HDAC9: variants seen among roughly 807,000 people sequenced by gnomAD.
The protein encoded by HDAC9 is histone deacetylase 9, also known as MEF-2 interacting transcription repressor (MITR) protein.
A neutral mutation model predicts 139.4 loss-of-function variants in HDAC9; 41 were observed. The ratio of observed to expected loss-of-function variants is 0.29; its 90% CI spans 0.23 to 0.38. The LOEUF (loss-of-function observed/expected upper bound fraction) is 0.38, where lower values mean the gene tolerates loss of function less well. Among genes scored for constraint, HDAC9 ranks in the 10% least tolerant of loss-of-function variants. The pLI is 1.00. For synonymous variants in HDAC9, 517 were observed against 476.2 expected (o/e 1.09, Z -1.12); for missense variants, 1,147 against 1,297.0 (o/e 0.88, Z 1.78).
In HDAC9 at chr7:18,564,971, A is replaced by G. The variant is rs777464222; in HGVS notation, c.23-20310A>G. ...TCAAATAAATGTATTTTATTTATTT[A>G]TTTATTTATTTATTTATTTATTTAT... On this transcript the variant is annotated intron_variant, in intron 2 of 25. Coordinates refer to ENST00000686413, the MANE Select transcript of HDAC9 (RefSeq NM_178425.4). Among the ~76,000 whole-genome samples, 926 of 127,082 alleles carry G rather than the reference A, an allele frequency of 7.3e-3. 6 individuals are homozygous for G. The highest frequency in any genetic ancestry group is 0.012 in the Non-Finnish European group (725 of 58,328). 83.4% of individuals were successfully genotyped at this position (127,082 alleles called of 152,430 possible).
intron 2 of HDAC9, among the ~76,000 whole-genome samples, chr7:18,522,402 C>T (rs1463943858): frequency 1.3e-5 from 2 of 151,992 alleles, no homozygotes; most frequent in African/African-American, 4.8e-5. Context: ...CAGGGCCTCC[C>T]AACAATATGC....
At chr7:18,173,787 C>T (rs1397780635) in intron 2 of HDAC9, among the ~76,000 whole-genome samples, 1 of 152,174 alleles carries the variant, frequency 6.6e-6, no homozygotes. Flanking sequence ...TCTCTTCTGG[C>T]TTGTAGGGTT....
intron 14 of HDAC9, among the ~76,000 whole-genome samples, chr7:18,750,367 G>A (rs1016276841): frequency 3.9e-5 from 6 of 151,912 alleles, no homozygotes; most frequent in African/African-American, 1.2e-4. Flanking sequence ...CTTATGGATC[G>A]CTCAGTAGTT....
chr7:18,718,222 GTGTTTTTTTGTT>G (rs1048915439), intron 12 of HDAC9, among the ~76,000 whole-genome samples: 9 of 151,964 alleles, frequency 5.9e-5, no homozygotes, highest in Admixed American at 1.3e-4. Flanking sequence ...TGTATGGTAT[GTGTTTTTTTGTT>G]TGTTTTTTTG....
intron 1 of HDAC9, among the ~76,000 whole-genome samples, chr7:18,430,250 G>A (rs1024642552): frequency 2.0e-5 from 3 of 152,126 alleles, no homozygotes; most frequent in Admixed American, 6.6e-5. Flanking sequence ...TGGCGATGGT[G>A]TCTTGCTCTA....
chr7:18,936,623 T>C (rs1781654187), intron 23 of HDAC9, among the ~76,000 whole-genome samples: 1 of 152,246 alleles, frequency 6.6e-6, no homozygotes, highest in Non-Finnish European at 1.5e-5. Flanking sequence ...TCAGCAAATA[T>C]TTCAAAGTTT....
intron 1 of HDAC9, among the ~76,000 whole-genome samples, chr7:18,150,423 C>T (rs1021664255): frequency 2.6e-5 from 4 of 152,102 alleles, no homozygotes; most frequent in East Asian, 1.9e-4. Flanking sequence ...ATTCTAGAAG[C>T]GCTTGTATTG....
chr7:18,779,953 C>G (rs1285141975), intron 16 of HDAC9, among the ~76,000 whole-genome samples: 1 of 152,010 alleles, frequency 6.6e-6, no homozygotes, highest in Non-Finnish European at 1.5e-5. Flanking sequence ...GATTAGGCAT[C>G]TAGGCAGAGA....
rs577019114 is a variant in HDAC9, at chr7:18,909,937, CTT to C, written c.2804-25870_2804-25869del. 5.4e-3 allele frequency among the ~76,000 whole-genome samples: 821 copies of C among 151,790 alleles called. 9 individuals are homozygous for C. Among genetic ancestry groups the C allele is most frequent in the African/African-American group, 0.019 (782 of 41,452 alleles). The stretch of plus-strand genomic sequence containing the variant: ...TTTGTGGGGTTTTTTGCTCAGGACT[CTT>C]TGGCTATTTGGGGTCTTTTGTGGTT... On this transcript the variant is annotated intron_variant, in intron 22 of 25. Coordinates refer to ENST00000686413, the MANE Select transcript of HDAC9 (RefSeq NM_178425.4).
intron 1 of HDAC9, among the ~76,000 whole-genome samples, chr7:18,478,589 A>G (rs1440968724): frequency 1.3e-5 from 2 of 152,242 alleles, no homozygotes; most frequent in African/African-American, 2.4e-5. Context: ...ATTAAATAGA[A>G]AAGAAAAGAG....
chr7:18,896,145 G>C (rs116683619), intron 22 of HDAC9, among the ~76,000 whole-genome samples: 1 of 151,892 alleles, frequency 6.6e-6, no homozygotes, highest in Non-Finnish European at 1.5e-5. Context: ...ATCTGTTGAC[G>C]TTTAAATGTA....
At chr7:18,517,989 C>T (rs1803793055) in intron 2 of HDAC9, 1 of 152,156 alleles carries the variant, frequency 6.6e-6, no homozygotes, top group Non-Finnish European at 1.5e-5. Context: ...CATGCTCACA[C>T]TTACAGTTAT....
At chr7:18,744,716 A>C (rs546122035) in intron 13 of HDAC9, among the ~76,000 whole-genome samples, 280 of 152,282 alleles carry the variant, frequency 1.8e-3, no homozygotes, top group African/African-American at 6.5e-3. Flanking sequence ...TGACAACTAC[A>C]TGCAATAAAG....
chr7:18,631,043 G>A (rs1782162933), intron 7 of HDAC9, among the ~76,000 whole-genome samples: 1 of 151,954 alleles, frequency 6.6e-6, no homozygotes, highest in Non-Finnish European at 1.5e-5. Context: ...GTGCTTTTCT[G>A]TGTTCCTGTA....
intron 24 of HDAC9, among the ~76,000 whole-genome samples, chr7:18,956,936 C>T (rs1372432025): frequency 6.6e-6 from 1 of 152,140 alleles, no homozygotes; most frequent in East Asian, 1.9e-4. Flanking sequence ...AAAATTCTTA[C>T]TGCGTTTTAA....
chr7:18,790,233 A>G (rs993732953), intron 16 of HDAC9, among the ~76,000 whole-genome samples: 1 of 152,184 alleles, frequency 6.6e-6, no homozygotes, highest in Non-Finnish European at 1.5e-5. Flanking sequence ...TAATCTTACT[A>G]TGAACTGAAG....
intron 1 of HDAC9, among the ~76,000 whole-genome samples, chr7:18,305,901 G>C (rs987955701): frequency 6.6e-6 from 1 of 152,084 alleles, no homozygotes; most frequent in African/African-American, 2.4e-5. Flanking sequence ...GGACTAACTG[G>C]AACGAGGAAG....
intron 1 of HDAC9, among the ~76,000 whole-genome samples, chr7:18,321,069 G>A (rs1205294855): frequency 6.6e-6 from 1 of 152,110 alleles, no homozygotes; most frequent in Admixed American, 6.5e-5. Flanking sequence ...GACCAAATAG[G>A]TTCCTCTATC....
intron 24 of HDAC9, among the ~76,000 whole-genome samples, chr7:18,957,701 G>C (rs536124676): frequency 6.6e-6 from 1 of 152,290 alleles, no homozygotes; most frequent in African/African-American, 2.4e-5. Flanking sequence ...CAACTGCACA[G>C]GTAACCCATT....
Sources: gnomAD v4.1 joint callset for allele counts (sites outside exome capture counted in the v4.1 genomes callset) on GRCh38, gnomAD v4.1.1 for gene constraint, MANE v1.5 for transcripts, NCBI Gene and HGNC (gene_info 2026-07-23, HGNC 2026-07-21) for gene names.